Variants in DPH6 observed in about 807,000 individuals in gnomAD.
DPH6 encodes the protein diphthine--ammonia ligase.
In DPH6, 33 loss-of-function variants were observed where a neutral mutation model predicts 38.2. The observed-to-expected ratio is 0.86, with a 90% CI of 0.65 to 1.15. DPH6 has a LOEUF of 1.15. Ranked by LOEUF, DPH6 falls within the 50% of genes most tolerant of loss-of-function variation. The pLI is 0.00. For missense variants in DPH6, 325 were observed against 320.0 expected (o/e 1.02, Z -0.12); for synonymous variants, 108 against 103.0 (o/e 1.05, Z -0.30).
intron 6 of DPH6, among the ~76,000 whole-genome samples, chr15:35,404,833 T>C (rs893778035): frequency 5.9e-5 from 9 of 152,150 alleles, no homozygotes. Context: ...CCCAATGTGT[T>C]CTTGTAGGAG....
chr15:35,372,478 A>C (rs534412729), intron 8 of DPH6: 324 of 244,148 alleles, frequency 1.3e-3, no homozygotes, highest in Non-Finnish European at 2.0e-3. Flanking sequence ...GTGTGTGCGT[A>C]CATGGTAGCA....
intron 3 of DPH6, among the ~76,000 whole-genome samples, chr15:35,518,177 G>C (rs73382769): frequency 0.093 from 14,112 of 151,950 alleles, 902 homozygotes; most frequent in African/African-American, 0.18. Context: ...ACCAAAGTAA[G>C]ACAAAGCCCT....
At chr15:35,148,436 T>C in the DPH6 span, among the ~76,000 whole-genome samples, 1 of 152,212 alleles carries the variant, frequency 6.6e-6, no homozygotes, top group African/African-American at 2.4e-5. Context: ...GTTCAATAGA[T>C]TGAAATATAT....
intron 3 of DPH6, among the ~76,000 whole-genome samples, chr15:35,479,750 A>G (rs1490519313): frequency 1.3e-5 from 2 of 152,086 alleles, no homozygotes; most frequent in Non-Finnish European, 2.9e-5. Context: ...GTTAATGATC[A>G]CTACACTCTC....
chr15:35,181,045 C>T, the DPH6 span, among the ~76,000 whole-genome samples: 1 of 152,320 alleles, frequency 6.6e-6, no homozygotes, highest in African/African-American at 2.4e-5. Flanking sequence ...GGCACTGATA[C>T]TAGCCAGACA....
chr15:35,283,349 G>C (rs886605397), intron 3 of DPH6, among the ~76,000 whole-genome samples: 2 of 151,116 alleles, frequency 1.3e-5, no homozygotes, highest in African/African-American at 4.9e-5. Flanking sequence ...CTGTCACCCA[G>C]GCTGGAGTGC....
At chr15:35,262,906 G>A (rs2051758743) in intron 3 of DPH6, among the ~76,000 whole-genome samples, 1 of 152,046 alleles carries the variant, frequency 6.6e-6, no homozygotes, top group Non-Finnish European at 1.5e-5. Context: ...AAACTAAAGT[G>A]AGAGAATCAT....
Position 35,265,180 on chromosome 15 carries a change from A to G in DPH6, n.201-44598T>C, listed in dbSNP as rs986645212. On this transcript the variant is annotated intron_variant and non_coding_transcript_variant, in intron 3 of 3. Transcript: ENST00000560386. ...TATAAACATAGTAAAATAACTTCAA[A>G]TCAAATCTAGAATATAATAAGAATT... is the stretch of plus-strand genomic sequence containing the variant. Among the ~76,000 whole-genome samples, 21 of 152,286 alleles carry G rather than the reference A, an allele frequency of 1.4e-4. No individual in the cohort carries two copies. In the Middle Eastern group the frequency reaches 0.01, roughly 74 times the overall value.
intron 3 of DPH6, among the ~76,000 whole-genome samples, chr15:35,494,595 T>TA (rs1331202768): frequency 1.3e-5 from 2 of 152,118 alleles, no homozygotes; most frequent in Non-Finnish European, 2.9e-5. Context: ...CAGTTTTCTC[T>TA]AAATCATTCC....
intron 5 of DPH6, among the ~76,000 whole-genome samples, chr15:35,429,901 A>G (rs1227668775): frequency 6.6e-6 from 1 of 152,122 alleles, no homozygotes; most frequent in Admixed American, 6.6e-5. Flanking sequence ...TAGAGTTGCA[A>G]AATCAAAACA....
At chr15:35,477,937 C>T (rs2054281575) in intron 3 of DPH6, among the ~76,000 whole-genome samples, 1 of 151,900 alleles carries the variant, frequency 6.6e-6, no homozygotes, top group South Asian at 2.1e-4. Context: ...AGCTACTGCT[C>T]CTTAAGATAA....
At position 35,450,807 on chromosome 15, in the gene DPH6, C is replaced by T. The variant is rs1436712800; in HGVS notation, c.387-4G>A. On this transcript the variant is annotated splice_polypyrimidine_tract_variant and splice_region_variant and intron_variant, in intron 4 of 8. Coordinates refer to ENST00000256538, the MANE Select transcript of DPH6 (RefSeq NM_080650.4). ...CTGGAGATTAAGCCTTTTACACCTA[C>T]AAAAGAAAAAGAAAAAGAAAGTCAG... 5 of 1,580,648 alleles carry T rather than the reference C, an allele frequency of 3.2e-6. No homozygotes were observed. The highest frequency in any genetic ancestry group is 3.7e-5 in the Admixed American group (2 of 54,682).
intron 3 of DPH6, among the ~76,000 whole-genome samples, chr15:35,350,156 C>T (rs924068008): frequency 3.3e-5 from 5 of 152,072 alleles, no homozygotes; most frequent in African/African-American, 1.2e-4. Context: ...ATTTTTATTT[C>T]TTCATGAGTC....
At chr15:35,203,032 A>G in the DPH6 span, among the ~76,000 whole-genome samples, 1 of 151,818 alleles carries the variant, frequency 6.6e-6, no homozygotes, top group Non-Finnish European at 1.5e-5. Flanking sequence ...GTTGTGGTAC[A>G]TAGCTCTGCC....
chr15:35,248,378 G>A (rs2051649788), intron 3 of DPH6, among the ~76,000 whole-genome samples: 1 of 152,166 alleles, frequency 6.6e-6, no homozygotes, highest in Non-Finnish European at 1.5e-5. Context: ...TTGTTTGATT[G>A]TAGGTTATAA....
chr15:35,529,301 C>T (rs2055051045), intron 3 of DPH6, among the ~76,000 whole-genome samples: 1 of 152,148 alleles, frequency 6.6e-6, no homozygotes, highest in Admixed American at 6.5e-5. Flanking sequence ...AGCACATCTT[C>T]ACATGGCCAG....
chr15:35,411,131 C>T (rs1394372992), intron 5 of DPH6, among the ~76,000 whole-genome samples: 2 of 151,658 alleles, frequency 1.3e-5, no homozygotes, highest in Non-Finnish European at 3.0e-5. Context: ...ACTGTGTCAA[C>T]TACCAGACGC....
At chr15:35,407,308 T>G (rs1338957979) in intron 6 of DPH6, among the ~76,000 whole-genome samples, 1 of 151,966 alleles carries the variant, frequency 6.6e-6, no homozygotes, top group Admixed American at 6.6e-5. Context: ...AAAACAACTA[T>G]AGCAAATTGT....
intron 3 of DPH6, among the ~76,000 whole-genome samples, chr15:35,532,285 T>C (rs907678329): frequency 1.3e-5 from 2 of 152,198 alleles, no homozygotes; most frequent in Admixed American, 1.3e-4. Context: ...TAAGCATTTA[T>C]ACAGATCAGC....
Sources: gnomAD v4.1 joint callset for allele counts (sites outside exome capture counted in the v4.1 genomes callset) on GRCh38, gnomAD v4.1.1 for gene constraint, MANE v1.5 for transcripts, NCBI Gene and HGNC (gene_info 2026-07-23, HGNC 2026-07-21) for gene names.